RB1: variants seen among roughly 807,000 people sequenced by gnomAD.
The protein encoded by RB1 is retinoblastoma-associated protein.
In RB1, 18 loss-of-function variants were observed where a neutral mutation model predicts 135.4. The ratio of observed to expected loss-of-function variants is 0.13; its 90% CI spans 0.09 to 0.20. The LOEUF is 0.20. Ranked by LOEUF, RB1 falls within the 10% of genes least tolerant of loss-of-function variation. The pLI, the probability that RB1 is intolerant of heterozygous loss-of-function variation, is 1.00. For synonymous variants in RB1, 365 were observed against 373.2 expected (o/e 0.98, Z 0.25); for missense variants, 868 against 1,110.0 (o/e 0.78, Z 3.10).
At chr13:48,365,067 CA>C in intron 9 of RB1, 96 bp downstream of exon 9, 3 of 1,379,420 alleles carry the variant, frequency 2.2e-6, no homozygotes. Flanking sequence ...CTGTGTATCA[CA>C]TTTTTTTTTT....
intron 17 of RB1, among the ~76,000 whole-genome samples, chr13:48,443,546 G>T (rs867121008): frequency 6.6e-5 from 10 of 152,090 alleles, no homozygotes; most frequent in Middle Eastern, 3.2e-3. Context: ...ATTAAATGAG[G>T]TAATACATTC....
chr13:48,399,380 G>C (rs557962849), intron 17 of RB1, among the ~76,000 whole-genome samples: 51 of 152,102 alleles, frequency 3.4e-4, no homozygotes, highest in African/African-American at 1.1e-3. Context: ...TTTTCTGCTA[G>C]TGAACTAATA....
chr13:48,368,648 C>A (rs2138123659), intron 11 of RB1, 44 bp downstream of exon 11: 2 of 1,591,566 alleles, frequency 1.3e-6, no homozygotes, highest in South Asian at 2.3e-5. Context: ...TTTTGTTATT[C>A]ATGGCTTTAT....
At chr13:48,446,992 T>C (rs1407809931) in intron 17 of RB1, among the ~76,000 whole-genome samples, 1 of 152,158 alleles carries the variant, frequency 6.6e-6, no homozygotes, top group Non-Finnish European at 1.5e-5. Flanking sequence ...AACCAGTTTG[T>C]AGGATGCTTT....
At chr13:48,393,967 G>C (rs562281221) in intron 17 of RB1, among the ~76,000 whole-genome samples, 2 of 152,328 alleles carry the variant, frequency 1.3e-5, no homozygotes, top group East Asian at 3.9e-4. Context: ...TGGCAAGATA[G>C]CCAAATAGGA....
At position 48,362,973 on chromosome 13, in the gene RB1, G is replaced by A. The variant is rs756590822; in HGVS notation, c.861+16G>A. 6.2e-7 allele frequency: 1 copy of A among 1,607,946 alleles called. No individual in the cohort carries two copies. Among genetic ancestry groups the A allele is most frequent in the Non-Finnish European group, 8.5e-7 (1 of 1,174,746 alleles). On this transcript the variant is annotated intron_variant, in intron 8 of 26. Coordinates refer to ENST00000267163, the MANE Select transcript of RB1 (RefSeq NM_000321.3). Reference sequence around the variant, plus strand: ...TATAGATGAGGTAATTTAACTTCATGATTTCTTTAAAACAGTTAAAGTAGA... The same window carrying A: ...TATAGATGAGGTAATTTAACTTCATAATTTCTTTAAAACAGTTAAAGTAGA...
intron 17 of RB1, 134 bp from the exon 18 acceptor site, chr13:48,452,859 C>A (rs1458563018): frequency 7.7e-7 from 1 of 1,305,896 alleles, no homozygotes; most frequent in Non-Finnish European, 1.0e-6. Flanking sequence ...ATATTTCATT[C>A]TGACTTTTAA....
At chr13:48,443,431 C>G (rs1004518167) in intron 17 of RB1, among the ~76,000 whole-genome samples, 9 of 151,280 alleles carry the variant, frequency 5.9e-5, no homozygotes, top group African/African-American at 2.2e-4. Context: ...TTATTCCACA[C>G]TCAAAAAATA....
intron 17 of RB1, chr13:48,411,699 A>C: frequency 6.2e-7 from 1 of 1,607,156 alleles, no homozygotes; most frequent in Non-Finnish European, 8.5e-7. Flanking sequence ...GTAAGGAACA[A>C]AACAGAAACA....
chr13:48,356,487 G>T (rs1246631899), intron 6 of RB1, among the ~76,000 whole-genome samples: 1 of 151,764 alleles, frequency 6.6e-6, no homozygotes, highest in African/African-American at 2.4e-5. Flanking sequence ...AAATTAAGAG[G>T]TTACAATCTT....
At chr13:48,342,474 T>C in intron 2 of RB1, 125 bp from the exon 3 acceptor site, 1 of 640,514 alleles carries the variant, frequency 1.6e-6, no homozygotes, top group Non-Finnish European at 2.8e-6. Flanking sequence ...GTTACAAATA[T>C]ACAGTATTAC....
At chr13:48,321,382 G>A (rs1366648294) in intron 2 of RB1, among the ~76,000 whole-genome samples, 2 of 144,070 alleles carry the variant, frequency 1.4e-5, no homozygotes, top group South Asian at 2.4e-4. Flanking sequence ...CCCTCCGCCC[G>A]GGCCCCGCCT....
chr13:48,335,974 TTG>T (rs1201851778), intron 2 of RB1, among the ~76,000 whole-genome samples: 1 of 151,510 alleles, frequency 6.6e-6, no homozygotes, highest in African/African-American at 2.4e-5. Flanking sequence ...CATGAAAAAG[TTG>T]TGAGAGGAAA....
intron 23 of RB1, among the ~76,000 whole-genome samples, chr13:48,471,734 C>T (rs1462940461): frequency 6.6e-6 from 1 of 152,122 alleles, no homozygotes; most frequent in Non-Finnish European, 1.5e-5. Context: ...ATCTGCTAAA[C>T]AAAGCAGGTT....
At chr13:48,381,100 C>A in intron 16 of RB1, 147 bp from the exon 17 acceptor site, 1 of 1,103,112 alleles carries the variant, frequency 9.1e-7, no homozygotes, top group Non-Finnish European at 1.2e-6. Context: ...TCCTATGAGT[C>A]CGTAGACTCC....
rs1952624506 is a variant in RB1, at chr13:48,359,982, C to CT, written c.608-34dup. On this transcript the variant is annotated intron_variant, in intron 6 of 26. Transcript: ENST00000267163. ...TTCTCTCATACAAAGATCTGAATCTCTAACTTTCTTTAAAAATGTACATTT... is the reference window on the plus strand; with the variant it reads ...TTCTCTCATACAAAGATCTGAATCTCTTAACTTTCTTTAAAAATGTACATTT... 3.7e-6 allele frequency: 6 copies of CT among 1,606,956 alleles called. No individual in the cohort carries two copies. In the Admixed American group the frequency reaches 1.0e-4, roughly 27 times the overall value.
chr13:48,452,858 T>C (rs1686134561), intron 17 of RB1, 135 bp from the exon 18 acceptor site: 6 of 1,302,992 alleles, frequency 4.6e-6, no homozygotes, highest in Non-Finnish European at 6.3e-6. Flanking sequence ...AATATTTCAT[T>C]CTGACTTTTA....
intron 14 of RB1, 138 bp from the exon 15 acceptor site, chr13:48,379,915 G>A: frequency 1.4e-6 from 1 of 735,862 alleles, no homozygotes; most frequent in Non-Finnish European, 2.0e-6. Flanking sequence ...AGCCAAGATT[G>A]TGCCATTTCA....
chr13:48,404,768 G>A (rs761167606), intron 17 of RB1, among the ~76,000 whole-genome samples: 2 of 151,900 alleles, frequency 1.3e-5, no homozygotes, highest in African/African-American at 2.4e-5. Context: ...ATCGTGATCC[G>A]CCTGCCTCGG....
Sources: allele counts gnomAD v4.1 joint callset (sites outside exome capture counted in the v4.1 genomes callset), GRCh38; gene constraint gnomAD v4.1.1; transcripts MANE v1.5; gene names NCBI Gene and HGNC (gene_info 2026-07-23, HGNC 2026-07-21).